HERC1: variants seen among roughly 807,000 people sequenced by gnomAD.
HERC1 encodes HECT and RLD domain containing E3 ubiquitin protein ligase family member 1, also known as probable E3 ubiquitin-protein ligase HERC1.
HERC1 carries 160 observed loss-of-function variants against 554.3 expected under a neutral mutation model. The observed-to-expected ratio is 0.29, with a 90% CI of 0.25 to 0.33. The LOEUF (loss-of-function observed/expected upper bound fraction) is 0.33, where lower values mean the gene tolerates loss of function less well. HERC1 is among the 10% of genes least tolerant of loss of function. The probability of loss-of-function intolerance (pLI) is 1.00; values close to 1 mark genes in which losing one functional copy is unlikely to be tolerated. For missense variants in HERC1, 4,919 were observed against 5,918.5 expected, an observed-to-expected ratio of 0.83 and a Z score of 5.54; for synonymous variants, 2,175 against 2,131.7, an observed-to-expected ratio of 1.02 and a Z score of -0.56.
In HERC1 at chr15:63,680,325, T is replaced by G. The variant is rs1396441633; in HGVS notation, c.6466-165A>C. The stretch of plus-strand genomic sequence containing the variant: ...CCGAGAAAATTCTACATATAATAAG[T>G]GATCATAATGTGTTCATCTGTTTCA... On this transcript the variant is annotated intron_variant, in intron 35 of 77. Transcript: ENST00000443617. This position sits in a 1 kb window ranked among gnomAD's most constrained non-coding sequence, Gnocchi z 5.8. 6.6e-6 allele frequency among the ~76,000 whole-genome samples: 1 copy of G among 152,136 alleles called. No individual in the cohort carries two copies. Among genetic ancestry groups the G allele is most frequent in the East Asian group, 1.9e-4 (1 of 5,206 alleles).
At chr15:63,826,120 A>G (rs898910885) in intron 1 of HERC1, among the ~76,000 whole-genome samples, 3 of 152,122 alleles carry the variant, frequency 2.0e-5, no homozygotes, top group Non-Finnish European at 4.4e-5. Flanking sequence ...AAGTGCCAGA[A>G]TCTTTGATTT....
At chr15:63,644,492 CTTCT>C (rs756824267) in intron 57 of HERC1, among the ~76,000 whole-genome samples, 23 of 151,868 alleles carry the variant, frequency 1.5e-4, no homozygotes, top group Admixed American at 5.2e-4. Context: ...AGCATGTAAG[CTTCT>C]TTGTTTTTTT....
intron 1 of HERC1, among the ~76,000 whole-genome samples, chr15:63,820,984 A>T (rs1271136605): frequency 6.6e-6 from 1 of 152,252 alleles, no homozygotes; most frequent in Non-Finnish European, 1.5e-5. Flanking sequence ...TTGTTTTCAC[A>T]TATTACTTAG....
At chr15:63,788,002 C>T (rs1055329322) in intron 1 of HERC1, among the ~76,000 whole-genome samples, 2 of 145,536 alleles carry the variant, frequency 1.4e-5, no homozygotes, top group Non-Finnish European at 3.0e-5. Context: ...AAACAAAAAA[C>T]CTTACAAGCC....
At chr15:63,803,720 G>C (rs1434959774) in intron 1 of HERC1, among the ~76,000 whole-genome samples, 1 of 152,180 alleles carries the variant, frequency 6.6e-6, no homozygotes. Context: ...ATTATTAAAT[G>C]ATCTCAATTG....
rs932000292 is a variant in HERC1 at position 63,718,424 on chromosome 15, C to CG, written c.3978+149_3978+150insC. On this transcript the variant is annotated intron_variant, in intron 21 of 77. Transcript: ENST00000443617. This position sits in a 1 kb window ranked among gnomAD's most constrained non-coding sequence, Gnocchi z 4.2. ...GGTTAAGTAAATCTCAAATCTTTTCCTTTTTTTTTTTCTGCTAGGAAAAGA... is the reference window on the plus strand; with the variant it reads ...GGTTAAGTAAATCTCAAATCTTTTCCGTTTTTTTTTTTCTGCTAGGAAAAGA... The CG allele has an allele frequency of 9.0e-6, 5 of 555,848 alleles. No individual in the cohort carries two copies. The East Asian group carries it at 1.9e-4, about 22-fold the overall frequency. The allele number at this position is 555,848 out of a possible 1,614,324, so 34.4% of individuals were successfully genotyped here. A position where few individuals can be genotyped will look rare whatever the true frequency, so the allele number is the denominator to read the frequency against.
intron 58 of HERC1, 26 bp downstream of exon 58, chr15:63,643,378 C>T: frequency 6.3e-7 from 1 of 1,589,498 alleles, no homozygotes; most frequent in Non-Finnish European, 8.6e-7. Flanking sequence ...TATTCCTTAA[C>T]ATAAAAATAA....
At chr15:63,613,761 A>G (rs1398405052) in intron 76 of HERC1, among the ~76,000 whole-genome samples, 1 of 152,090 alleles carries the variant, frequency 6.6e-6, no homozygotes, top group Non-Finnish European at 1.5e-5. Context: ...TGAGCCCAAC[A>G]GTTCAAAGCT....
At chr15:63,698,419 CAA>C (rs57040637) in intron 26 of HERC1, among the ~76,000 whole-genome samples, 28 of 80,660 alleles carry the variant, frequency 3.5e-4, no homozygotes, top group Admixed American at 6.0e-4. Flanking sequence ...ACTCCGTCTC[CAA>C]AAAAAAAAAA....
chr15:63,628,130 C>T (rs1230526149), intron 70 of HERC1, among the ~76,000 whole-genome samples: 1 of 152,178 alleles, frequency 6.6e-6, no homozygotes, highest in Non-Finnish European at 1.5e-5. Context: ...GTGGCTCATG[C>T]CTGTAATCCT....
intron 25 of HERC1, among the ~76,000 whole-genome samples, chr15:63,700,958 A>G (rs891928666): frequency 1.5e-4 from 23 of 152,154 alleles, no homozygotes; most frequent in African/African-American, 5.5e-4. Context: ...CCTCAAATTC[A>G]GAATCTGTAT....
Position 63,718,049 on chromosome 15 carries a change from A to G in HERC1, c.3978+525T>C, listed in dbSNP as rs2073641625. Among the ~76,000 whole-genome samples, 1 of 151,062 alleles carries G rather than the reference A, an allele frequency of 6.6e-6. No homozygotes were observed. Among genetic ancestry groups the G allele is most frequent in the African/African-American group, 2.4e-5 (1 of 41,104 alleles). ...ACATTTATTTCCTCTCTTACAGAGA[A>G]GCTCTTTAAGTATTTTTAAGGCAGC... On this transcript the variant is annotated intron_variant, in intron 21 of 77. Transcript: ENST00000443617. This position sits in a 1 kb window ranked among gnomAD's most constrained non-coding sequence, Gnocchi z 4.2.
chr15:63,694,573 G>A lies in HERC1; in HGVS notation c.5243-24C>T. The A allele has an allele frequency of 6.3e-7, 1 of 1,586,718 alleles. No homozygotes were observed. The highest frequency in any genetic ancestry group is 1.1e-5 in the South Asian group (1 of 90,308). The stretch of plus-strand genomic sequence containing the variant: ...TTCTAAAAGACAAAGAGACAGTTAA[G>A]AATCTTCCTTTCAGTAAACAAAGCA... On this transcript the variant is annotated intron_variant, in intron 28 of 77. Coordinates refer to ENST00000443617, the MANE Select transcript of HERC1 (RefSeq NM_003922.4). This position sits in a 1 kb window ranked among gnomAD's most constrained non-coding sequence, Gnocchi z 4.3.
In HERC1 at chr15:63,696,108, G is replaced by A. The variant is rs2072398533; in HGVS notation, c.5121+16C>T. 1 of 1,561,308 alleles carries A rather than the reference G, an allele frequency of 6.4e-7. No homozygotes were observed. The highest frequency in any genetic ancestry group is 8.8e-7 in the Non-Finnish European group (1 of 1,134,434). On this transcript the variant is annotated intron_variant, in intron 27 of 77. Coordinates refer to ENST00000443617, the MANE Select transcript of HERC1 (RefSeq NM_003922.4). ...ATGACAGTTAAAATCTGTATATACTGCAAGGTGTCACCTACCTGATAGTGA... is the reference window on the plus strand; with the variant it reads ...ATGACAGTTAAAATCTGTATATACTACAAGGTGTCACCTACCTGATAGTGA...
chr15:63,626,098 C>T lies in HERC1; in HGVS notation c.13162G>A (p.Ala4388Thr), dbSNP rs777551579. 9 of 1,613,846 alleles carry T rather than the reference C, an allele frequency of 5.6e-6. No homozygotes were observed. In the South Asian group the frequency reaches 7.7e-5, roughly 14 times the overall value. ...LPDTVPPQYG[A>T]LREVSIHTVR... ...GTGTGAATGCTGACTTCTCTCAGCGCCCCATACTGGGGGGGCACTGTGTCA... is the reference window on the plus strand; with the variant it reads ...GTGTGAATGCTGACTTCTCTCAGCGTCCCATACTGGGGGGGCACTGTGTCA... Residue 4388 changes from alanine (A) to threonine (T), a missense_variant, in exon 71 of 78, where the codon GCG (alanine) becomes ACG (threonine). Physicochemically the swap from Ala to Thr is moderately conservative, Grantham distance 58. This residue lies in a region of HERC1 where 410 missense variants were observed against 467.0 expected (regional missense o/e 0.88). Transcript: ENST00000443617.
chr15:63,762,480 C>T (rs909957729), intron 3 of HERC1, among the ~76,000 whole-genome samples: 1 of 152,096 alleles, frequency 6.6e-6, no homozygotes, highest in African/African-American at 2.4e-5. Context: ...TCTGCCGCCC[C>T]ACCCAGCTAA....
intron 37 of HERC1, 198 bp from the exon 38 acceptor site, chr15:63,675,315 CA>C (rs1291638737): frequency 2.1e-6 from 1 of 484,120 alleles, no homozygotes; most frequent in Non-Finnish European, 3.6e-6. Context: ...ATACTAAATG[CA>C]GAAGCAATGA....
At chr15:63,685,647 T>C (rs1595971388) in intron 34 of HERC1, among the ~76,000 whole-genome samples, 1 of 152,330 alleles carries the variant, frequency 6.6e-6, no homozygotes, top group South Asian at 2.1e-4. Context: ...CTGAAGTCAA[T>C]ATTACTGGCC....
At chr15:63,644,564 T>C (rs567046344) in intron 57 of HERC1, among the ~76,000 whole-genome samples, 9 of 152,224 alleles carry the variant, frequency 5.9e-5, no homozygotes, top group Non-Finnish European at 1.2e-4. Context: ...CATGAATTTA[T>C]GTTACTCGCC....
Sources: gnomAD v4.1 joint callset for allele counts (sites outside exome capture counted in the v4.1 genomes callset) on GRCh38, gnomAD v4.1.1 for gene constraint, gnomAD v4.1.1 regional missense constraint, Gnocchi (gnomAD v3.1) non-coding constraint, MANE v1.5 for transcripts, NCBI Gene and HGNC (gene_info 2026-07-23, HGNC 2026-07-21) for gene names.